Variants in RPL3 observed in about 807,000 individuals in gnomAD.
RPL3 encodes the protein large ribosomal subunit protein uL3.
RPL3 carries 3 observed loss-of-function variants against 46.0 expected under a neutral mutation model. The observed-to-expected ratio is 0.07, with a 90% CI of 0.03 to 0.17. The LOEUF is 0.17. Among genes scored for constraint, RPL3 ranks in the 10% least tolerant of loss-of-function variants. The pLI is 1.00. For missense variants in RPL3, 387 were observed against 532.7 expected (o/e 0.73, Z 2.69); for synonymous variants, 224 against 190.8 (o/e 1.17, Z -1.43).
chr22:39,315,214 C>G (rs1922606037), intron 5 of RPL3, 155 bp downstream of exon 5: 1 of 1,106,506 alleles, frequency 9.0e-7, no homozygotes, highest in East Asian at 2.4e-5. Context: ...GACCACAAGG[C>G]TGTTCTCAGA....
chr22:39,316,249 A>AAG (rs1922683049), intron 4 of RPL3, among the ~76,000 whole-genome samples: 1 of 151,604 alleles, frequency 6.6e-6, no homozygotes, highest in Non-Finnish European at 1.5e-5. Context: ...CTAAAAAAAA[A>AAG]AAAATGCATT....
At chr22:39,318,756 C>T (rs1922862002) in intron 1 of RPL3, 164 bp from the exon 2 acceptor site, 1 of 624,706 alleles carries the variant, frequency 1.6e-6, no homozygotes, top group Non-Finnish European at 2.7e-6. Context: ...TCGCACGTGT[C>T]AAGAATGCTT....
rs1922460291 is a variant in RPL3 at position 39,313,118 on chromosome 22, C to T, written c.1167+73G>A. ...CCTAAGGCATCAAGACCACCCCTAC[C>T]CCGGCTGGAGCCAAAGGCAGGCGGC... On this transcript the variant is annotated intron_variant, in intron 9 of 9. Coordinates refer to ENST00000216146, the MANE Select transcript of RPL3 (RefSeq NM_000967.4). The T allele has an allele frequency of 1.9e-6, 3 of 1,597,662 alleles. No individual in the cohort carries two copies. The South Asian group carries it at 3.4e-5, about 18-fold the overall frequency.
chr22:39,314,265 G>T, intron 6 of RPL3, 57 bp from the exon 7 acceptor site: 1 of 1,465,026 alleles, frequency 6.8e-7, no homozygotes, highest in Non-Finnish European at 9.6e-7. Flanking sequence ...ACCCAGACAT[G>T]CCAGTGTGCT....
rs1463151684 is a variant in RPL3 at position 39,317,456 on chromosome 22, C to T, written c.365+5G>A. On this transcript the variant is annotated splice_donor_5th_base_variant and intron_variant, in intron 3 of 9. Transcript: ENST00000216146. ...AGCTAGGGACTGCATGGCCTCCTCC[C>T]TTACCAATTCTTATAGAAACGCCTC... The T allele has an allele frequency of 1.9e-6, 3 of 1,612,750 alleles. No individual in the cohort carries two copies. The Admixed American group carries it at 5.0e-5, about 27-fold the overall frequency.
intron 1 of RPL3, chr22:39,318,997 G>A (rs1387900795): frequency 1.9e-6 from 1 of 539,600 alleles, no homozygotes; most frequent in Non-Finnish European, 3.8e-6. Flanking sequence ...GCTGCCTCCG[G>A]TGCCCGGACA....
rs773469814 is a variant in RPL3 at position 39,313,643 on chromosome 22, G to A, written c.1038C>T (p.Thr346=). 28 of 1,613,694 alleles carry A rather than the reference G, an allele frequency of 1.7e-5. No homozygotes were observed. The South Asian group carries it at 1.9e-4, about 11-fold the overall frequency. ...CVVGTKKRVL[T]LRKSLLVQTK... is the part of the protein sequence containing the mutation. Reference sequence around the variant, plus strand: ...TCAGGACCTGCCTCACCTTGCGGAGGGTGAGCACCCGCTTCTTGGTTCCCA... The same window carrying A: ...TCAGGACCTGCCTCACCTTGCGGAGAGTGAGCACCCGCTTCTTGGTTCCCA... Residue 346 remains threonine, a synonymous_variant, in exon 8 of 10, where the codon ACC becomes ACT. Coordinates refer to ENST00000216146, the MANE Select transcript of RPL3 (RefSeq NM_000967.4).
At chr22:39,315,323 T>C (rs749272753) in intron 5 of RPL3, 46 bp downstream of exon 5, 1 of 1,613,220 alleles carries the variant, frequency 6.2e-7, no homozygotes, top group Non-Finnish European at 8.5e-7. Flanking sequence ...CTGAAACCAC[T>C]TCTCCCCCAG....
rs774179454 is a variant in RPL3, at chr22:39,316,835, T to C, written c.372A>G (p.Lys124=). 1.2e-6 allele frequency: 2 copies of C among 1,613,772 alleles called. No individual in the cohort carries two copies. Among genetic ancestry groups the C allele is most frequent in the Non-Finnish European group, 1.7e-6 (2 of 1,180,032 alleles). Residue 124 remains lysine (K), a synonymous_variant, in exon 4 of 10, where the codon AAA becomes AAG. Coordinates refer to ENST00000216146, the MANE Select transcript of RPL3 (RefSeq NM_000967.4). ...ACTTGGTAAAGGCCTTCTTCTTAGA[T>C]TTATGCCTTCAGGAGCAGAGCAGAG... ...CKRRFYKNWH[K]SKKKAFTKYC...
chr22:39,314,985 C>G, intron 5 of RPL3, 139 bp from the exon 6 acceptor site: 1 of 1,241,440 alleles, frequency 8.1e-7, no homozygotes, highest in Non-Finnish European at 1.1e-6. Context: ...CCACAGGTCT[C>G]CCCTGTCAAG....
intron 6 of RPL3, chr22:39,314,481 C>A: frequency 4.7e-6 from 3 of 644,094 alleles, no homozygotes; most frequent in Non-Finnish European, 7.9e-6. Flanking sequence ...CCCAGCCACA[C>A]CAGTCAGCCC....
intron 2 of RPL3, 117 bp downstream of exon 2, chr22:39,318,283 C>G (rs545105231): frequency 2.0e-6 from 2 of 1,003,962 alleles, no homozygotes; most frequent in East Asian, 2.5e-5. Flanking sequence ...GTTCTGACAA[C>G]GTGTAACTCC....
intron 2 of RPL3, chr22:39,318,181 C>T: frequency 1.8e-6 from 1 of 541,752 alleles, no homozygotes; most frequent in Non-Finnish European, 3.2e-6. Context: ...AAATCAATAC[C>T]CCACACCGCA....
intron 3 of RPL3, chr22:39,317,157 C>T (rs1779127098): frequency 1.7e-6 from 1 of 577,906 alleles, no homozygotes; most frequent in African/African-American, 1.9e-5. Flanking sequence ...GGCCAGAGGC[C>T]CTTGCCACCC....
intron 3 of RPL3, 155 bp downstream of exon 3, chr22:39,317,306 A>G: frequency 1.2e-6 from 1 of 850,798 alleles, no homozygotes; most frequent in Non-Finnish European, 1.8e-6. Flanking sequence ...TGGCTGGCCA[A>G]GTCTGATCCC....
intron 7 of RPL3, 112 bp downstream of exon 7, chr22:39,313,995 G>A: frequency 1.1e-6 from 1 of 914,478 alleles, no homozygotes; most frequent in Admixed American, 1.7e-5. Flanking sequence ...GACACAGCTA[G>A]GTGTTGTGTT....
chr22:39,317,678 G>C (rs759364250), intron 2 of RPL3, 49 bp from the exon 3 acceptor site: 2 of 1,594,870 alleles, frequency 1.3e-6, no homozygotes, highest in Admixed American at 1.7e-5. Context: ...CAAGCAAGGG[G>C]TGTAATGTTT....
chr22:39,316,950 C>G, intron 3 of RPL3, 109 bp from the exon 4 acceptor site: 2 of 1,566,156 alleles, frequency 1.3e-6, no homozygotes, highest in Non-Finnish European at 1.8e-6. Context: ...GAGCTCATTG[C>G]CGGCTTCTAA....
At chr22:39,319,063 G>A (rs1356263543) in intron 1 of RPL3, 1 of 537,648 alleles carries the variant, frequency 1.9e-6, no homozygotes, top group South Asian at 1.4e-5. Context: ...ATCAGAACGT[G>A]ACAATCAGCA....
Sources: gnomAD v4.1 joint callset for allele counts (sites outside exome capture counted in the v4.1 genomes callset) on GRCh38, gnomAD v4.1.1 for gene constraint, MANE v1.5 for transcripts, NCBI Gene and HGNC (gene_info 2026-07-23, HGNC 2026-07-21) for gene names.